Variants in PAX6 observed in about 807,000 individuals in gnomAD.
PAX6 encodes paired box 6.
Under a neutral mutation model 60.7 loss-of-function variants are expected in PAX6, and 7 were observed. The observed-to-expected ratio is 0.12, with a 90% CI of 0.07 to 0.22. The LOEUF is 0.22. Among genes scored for constraint, PAX6 ranks in the 10% least tolerant of loss-of-function variants. PAX6 has a pLI of 1.00. For missense variants in PAX6, 355 were observed against 555.2 expected (o/e 0.64, Z 3.62); for synonymous variants, 208 against 201.2 (o/e 1.03, Z -0.29).
At position 31,789,979 on chromosome 11, in the gene PAX6, G is replaced by A. The variant is rs369180308; in HGVS notation, c.1266C>T (p.Pro422=). ...SPGVSVPVQV[P]GSEPDMSQYW... ...ATTGAGACATATCAGGTTCACTTCC[G>A]GGAACTTGAACTGGAACTGACACAC... Residue 422 remains proline (P), a synonymous_variant, in exon 14 of 14, where the codon CCC becomes CCT. Coordinates refer to ENST00000640368, the MANE Select transcript of PAX6 (RefSeq NM_001368894.2). The A allele has an allele frequency of 1.3e-5, 20 of 1,599,052 alleles. No individual in the cohort carries two copies. Among genetic ancestry groups the A allele is most frequent in the Admixed American group, 6.9e-5 (4 of 58,030 alleles).
chr11:31,793,957 G>A, intron 10 of PAX6, 75 bp downstream of exon 10: 1 of 1,259,934 alleles, frequency 7.9e-7, no homozygotes, highest in South Asian at 1.2e-5. Flanking sequence ...ATAGTACTCT[G>A]TACAAGCACC....
In PAX6 at chr11:31,802,767, C is replaced by T. The variant is rs1954525688; in HGVS notation, c.78G>A (p.Arg26=). The T allele has an allele frequency of 1.2e-6, 2 of 1,613,920 alleles. No homozygotes were observed. The highest frequency in any genetic ancestry group is 1.7e-5 in the Admixed American group (1 of 59,988). Residue 26 remains arginine (R), a synonymous_variant, in exon 5 of 14, where the codon CGG becomes CGA. Transcript: ENST00000640368. The part of the protein sequence containing the change: ...VNGRPLPDST[R]QKIVELAHSG... Reference sequence around the variant, plus strand: ...TGTGAGCTAGCTCTACAATCTTCTGCCGGGTGGAGTCCGGCAGTGGCCGCC... The same window carrying T: ...TGTGAGCTAGCTCTACAATCTTCTGTCGGGTGGAGTCCGGCAGTGGCCGCC...
intron 4 of PAX6, chr11:31,805,635 C>G (rs1471047402): frequency 2.0e-5 from 3 of 152,832 alleles, no homozygotes; most frequent in East Asian, 1.9e-4. Flanking sequence ...CGTACCAGCA[C>G]CCACCACGAA....
chr11:31,812,004 TCTCTC>T (rs1391261686), upstream of PAX6: 1 of 152,550 alleles, frequency 6.6e-6, no homozygotes, highest in Non-Finnish European at 1.5e-5. Context: ...CGCCCTTTCT[TCTCTC>T]CTTTCTCCTT....
chr11:31,790,366 G>A (rs956243112), intron 13 of PAX6: 43 of 998,010 alleles, frequency 4.3e-5, no homozygotes. Flanking sequence ...GTCTAGAGGA[G>A]CTATGAGGGC....
intron 8 of PAX6, among the ~76,000 whole-genome samples, chr11:31,799,550 G>A (rs959873747): frequency 3.9e-5 from 6 of 152,204 alleles, no homozygotes; most frequent in Non-Finnish European, 8.8e-5. Context: ...GAAACAAAAC[G>A]TTCTCTAATG....
chr11:31,793,822 G>A lies in PAX6; in HGVS notation c.808-20C>T. ...CCATACCTGGAAATCAGGTGGGACA[G>A]GTTAGCACTGTGTCTACGTCGAGCC... On this transcript the variant is annotated intron_variant, in intron 10 of 13. Coordinates refer to ENST00000640368, the MANE Select transcript of PAX6 (RefSeq NM_001368894.2). The A allele has an allele frequency of 6.2e-7, 1 of 1,613,968 alleles. No individual in the cohort carries two copies. The highest frequency in any genetic ancestry group is 2.2e-5 in the East Asian group (1 of 44,900).
At chr11:31,802,971 AG>A in intron 4 of PAX6, 137 bp from the exon 5 acceptor site, 1 of 896,794 alleles carries the variant, frequency 1.1e-6, no homozygotes, top group African/African-American at 1.6e-5. Flanking sequence ...AAGAGGAAGA[AG>A]GAGAGGAGGA....
chr11:31,790,993 T>A, intron 12 of PAX6, 133 bp from the exon 13 acceptor site: 1 of 948,524 alleles, frequency 1.1e-6, no homozygotes, highest in Non-Finnish European at 1.7e-6. Context: ...GTACTGGAAT[T>A]CCATATGATA....
Position 31,789,719 on chromosome 11 carries a change from G to A in PAX6, c.*215C>T. 1.4e-6 allele frequency: 1 copy of A among 704,400 alleles called. No homozygotes were observed. Among genetic ancestry groups the A allele is most frequent in the Non-Finnish European group, 2.6e-6 (1 of 385,318 alleles). 43.6% of individuals were successfully genotyped at this position (704,400 alleles called of 1,614,324 possible). A position where few individuals can be genotyped will look rare whatever the true frequency, so the allele number is the denominator to read the frequency against. ...ATAAAAGTTTGGATACCAAAATGAAGATTTGTTCCAACTGATATCGTGCCT... is the reference window on the plus strand; with the variant it reads ...ATAAAAGTTTGGATACCAAAATGAAAATTTGTTCCAACTGATATCGTGCCT... On this transcript the variant is annotated 3_prime_UTR_variant, in exon 14 of 14. Coordinates refer to ENST00000640368, the MANE Select transcript of PAX6 (RefSeq NM_001368894.2).
At chr11:31,812,908 G>C (rs1473356199), upstream of PAX6, 1 of 152,382 alleles carries the variant, frequency 6.6e-6, no homozygotes, top group East Asian at 1.9e-4. Context: ...CCTGGCAGCC[G>C]GGACAGTGAG....
At chr11:31,810,483 A>C in intron 2 of PAX6, 1 of 175,392 alleles carries the variant, frequency 5.7e-6, no homozygotes, top group Non-Finnish European at 1.2e-5. Context: ...GGTCGGGAGC[A>C]TTGGGCGACG....
At position 31,808,143 on chromosome 11, in the gene PAX6, G is replaced by A. The variant is rs556276037; in HGVS notation, c.-128-1218C>T. ...AACAGTCACAGCATCATTTCTCTCT[G>A]TTTTTTTTTAAATGCATTATTTTTT... On this transcript the variant is annotated intron_variant, in intron 2 of 13. Transcript: ENST00000640368. The A allele has an allele frequency of 7.9e-5, 12 of 151,216 alleles. No individual in the cohort carries two copies. The East Asian group carries it at 2.1e-3, about 27-fold the overall frequency. 9.4% of individuals were successfully genotyped at this position (151,216 alleles called of 1,614,324 possible).
intron 8 of PAX6, among the ~76,000 whole-genome samples, chr11:31,795,745 A>T (rs1422846149): frequency 6.6e-6 from 1 of 152,266 alleles, no homozygotes; most frequent in African/African-American, 2.4e-5. Flanking sequence ...CAAGATGTGC[A>T]CTTGGGCTAG....
intron 4 of PAX6, chr11:31,806,120 A>T: frequency 2.2e-6 from 1 of 461,434 alleles, no homozygotes; most frequent in East Asian, 3.6e-5. Context: ...TGTGAGTTAC[A>T]GGATTTGGGG....
At chr11:31,814,086 T>C (rs557651136), upstream of PAX6, 87 of 152,176 alleles carry the variant, frequency 5.7e-4, no homozygotes, top group African/African-American at 2.0e-3. Context: ...GATTGCGCTT[T>C]AGGTTCTGTC....
chr11:31,802,970 A>T, intron 4 of PAX6, 136 bp from the exon 5 acceptor site: 1 of 886,574 alleles, frequency 1.1e-6, no homozygotes, highest in Non-Finnish European at 1.8e-6. Context: ...GAAGAGGAAG[A>T]AGGAGAGGAG....
At position 31,803,294 on chromosome 11, in the gene PAX6, A is replaced by C. The variant is rs569754387; in HGVS notation, c.11-460T>G. Reference sequence around the variant, plus strand: ...CAAAGCGCTAAGAACCGGCTCTATAAATCTCCCAAAGATCCCCTCTGAGTG... The same window carrying C: ...CAAAGCGCTAAGAACCGGCTCTATACATCTCCCAAAGATCCCCTCTGAGTG... On this transcript the variant is annotated intron_variant, in intron 4 of 13. Coordinates refer to ENST00000640368, the MANE Select transcript of PAX6 (RefSeq NM_001368894.2). 1.4e-5 allele frequency: 3 copies of C among 213,550 alleles called. No individual in the cohort carries two copies. In the South Asian group the frequency reaches 2.4e-4, roughly 17 times the overall value. 13.2% of individuals were successfully genotyped at this position (213,550 alleles called of 1,614,324 possible).
Position 31,790,839 on chromosome 11 carries a change from A to G in PAX6, c.1096T>C (p.Ser366Pro). 1 of 1,614,002 alleles carries G rather than the reference A, an allele frequency of 6.2e-7. No individual in the cohort carries two copies. Among genetic ancestry groups the G allele is most frequent in the Non-Finnish European group, 8.5e-7 (1 of 1,179,980 alleles). ...PMQPPVPSQT[S>P]SYSCMLPTSP... ...GTGGGCAGCATGCAGGAGTATGAGG[A>G]GGTCTGGCTGGGGACTGGGGGCTGT... is the stretch of plus-strand genomic sequence containing the variant. Residue 366 changes from serine (S) to proline (P), a missense_variant, in exon 13 of 14, where the codon TCC becomes CCC. Coordinates refer to ENST00000640368, the MANE Select transcript of PAX6 (RefSeq NM_001368894.2).
Sources: allele counts gnomAD v4.1 joint callset (sites outside exome capture counted in the v4.1 genomes callset), GRCh38; gene constraint gnomAD v4.1.1; transcripts MANE v1.5; gene names NCBI Gene and HGNC (gene_info 2026-07-23, HGNC 2026-07-21).